Variants in MYO9A observed in about 807,000 individuals in gnomAD.
The protein encoded by MYO9A is myosin IXA.
Under a neutral mutation model 293.3 loss-of-function variants are expected in MYO9A, and 103 were observed. The observed-to-expected ratio is 0.35, with a 90% CI of 0.30 to 0.41. The LOEUF (loss-of-function observed/expected upper bound fraction) is 0.41, where lower values mean the gene tolerates loss of function less well. MYO9A is among the 10% of genes least tolerant of loss of function. The pLI, the probability that MYO9A is intolerant of heterozygous loss-of-function variation, is 1.00. For missense variants in MYO9A, 2,685 were observed against 3,033.0 expected, an observed-to-expected ratio of 0.89 and a Z score of 2.69; for synonymous variants, 1,001 against 1,035.7, an observed-to-expected ratio of 0.97 and a Z score of 0.64.
intron 34 of MYO9A, 39 bp from the exon 35 acceptor site, chr15:71,854,608 A>G (rs1294584325): frequency 7.0e-7 from 1 of 1,431,870 alleles, no homozygotes; most frequent in South Asian, 1.6e-5. Flanking sequence ...AATGCATTCA[A>G]ACATCTTGAA....
intron 27 of MYO9A, among the ~76,000 whole-genome samples, chr15:71,887,366 T>A (rs900513421): frequency 3.9e-5 from 6 of 152,246 alleles, no homozygotes; most frequent in African/African-American, 1.4e-4. Flanking sequence ...AAGAAGTAGA[T>A]GCAGAAAAGC....
intron 39 of MYO9A, among the ~76,000 whole-genome samples, chr15:71,846,246 G>C (rs552723393): frequency 6.6e-6 from 1 of 152,264 alleles, no homozygotes; most frequent in African/African-American, 2.4e-5. Flanking sequence ...CTGACAATGA[G>C]CCGGAATAGC....
At position 72,010,450 on chromosome 15, in the gene MYO9A, GC is replaced by G; in HGVS notation, c.1156-4del. On this transcript the variant is annotated splice_polypyrimidine_tract_variant and splice_region_variant and intron_variant, in intron 6 of 41. Coordinates refer to ENST00000356056, the MANE Select transcript of MYO9A (RefSeq NM_006901.4). ...TCTCCTTCCACCGTGAAGCAATCCT[GC>G]TTATTTAAAATAAAAGTTTAAAAAT... is the stretch of plus-strand genomic sequence containing the variant. 1 of 1,608,570 alleles carries G rather than the reference GC, an allele frequency of 6.2e-7. No individual in the cohort carries two copies. The highest frequency in any genetic ancestry group is 1.1e-5 in the South Asian group (1 of 90,172).
intron 4 of MYO9A, among the ~76,000 whole-genome samples, chr15:72,024,526 C>T (rs1290230779): frequency 1.3e-5 from 2 of 152,182 alleles, no homozygotes; most frequent in Non-Finnish European, 2.9e-5. Context: ...CCCACCTTGG[C>T]TTCCCCAAAG....
intron 1 of MYO9A, among the ~76,000 whole-genome samples, chr15:72,047,612 A>G (rs1403538348): frequency 6.6e-6 from 1 of 151,902 alleles, no homozygotes; most frequent in African/African-American, 2.4e-5. Flanking sequence ...CACACTTTCC[A>G]GGGCTGATAA....
In MYO9A at chr15:71,862,567, G is replaced by A; in HGVS notation, c.6024C>T (p.Ser2008=). Residue 2008 remains serine (S), a synonymous_variant, in exon 33 of 42, where the codon AGC becomes AGT. Coordinates refer to ENST00000356056, the MANE Select transcript of MYO9A (RefSeq NM_006901.4). ...NGHIFKATQY[S]IPTYCEYCSS... ...AACAGTATTCACAGTATGTAGGGAT[G>A]CTATATTGGGTGGCTTTAAAGATGT... 1 of 1,613,310 alleles carries A rather than the reference G, an allele frequency of 6.2e-7. No homozygotes were observed. Among genetic ancestry groups the A allele is most frequent in the Non-Finnish European group, 8.5e-7 (1 of 1,179,436 alleles).
intron 1 of MYO9A, among the ~76,000 whole-genome samples, chr15:72,095,895 C>T (rs921110048): frequency 1.3e-5 from 2 of 151,948 alleles, no homozygotes; most frequent in African/African-American, 4.8e-5. Flanking sequence ...GCCTGGCCAA[C>T]ATGGTGAAAC....
chr15:71,834,767 AAAAC>A (rs869151576), intron 39 of MYO9A, among the ~76,000 whole-genome samples: 73 of 152,264 alleles, frequency 4.8e-4, no homozygotes, highest in African/African-American at 1.3e-3. Context: ...AGCCTGTCTC[AAAAC>A]AAACAAACAA....
At position 72,118,096 on chromosome 15, in the gene MYO9A, G is replaced by C. The variant is rs2081073277; in HGVS notation, c.-488C>G. 1 of 391,734 alleles carries C rather than the reference G, an allele frequency of 2.6e-6. No homozygotes were observed. The highest frequency in any genetic ancestry group is 4.5e-5 in the Admixed American group (1 of 22,406). The allele number at this position is 391,734 out of a possible 1,614,324, so 24.3% of individuals were successfully genotyped here. On this transcript the variant is annotated 5_prime_UTR_variant, in exon 1 of 42. Transcript: ENST00000356056. Reference sequence around the variant, plus strand: ...TTCGGTCGCGCGCCCCCGACCCCGCGCACGCGGCCCCGCCCCGCGCGACTC... The same window carrying C: ...TTCGGTCGCGCGCCCCCGACCCCGCCCACGCGGCCCCGCCCCGCGCGACTC...
chr15:71,956,310 T>TAAAAAAAAAA (rs869151550), intron 14 of MYO9A, among the ~76,000 whole-genome samples: 35 of 36,756 alleles, frequency 9.5e-4, no homozygotes, highest in Non-Finnish European at 1.5e-3. Flanking sequence ...ACCCGGCTCT[T>TAAAAAAAAAA]AAAAAAAAAA....
intron 39 of MYO9A, among the ~76,000 whole-genome samples, chr15:71,841,352 T>C (rs902785043): frequency 4.9e-4 from 75 of 152,210 alleles, no homozygotes; most frequent in African/African-American, 1.8e-3. Context: ...ATGTTGGATT[T>C]TGGGTTCAGA....
intron 10 of MYO9A, among the ~76,000 whole-genome samples, chr15:71,992,372 G>C (rs1486878092): frequency 6.6e-6 from 1 of 152,090 alleles, no homozygotes; most frequent in Non-Finnish European, 1.5e-5. Flanking sequence ...GACAATTTTG[G>C]TTAAATGAAA....
intron 11 of MYO9A, among the ~76,000 whole-genome samples, chr15:71,981,641 GTCTCTCTCTCTCTCTC>G (rs142432028): frequency 1.8e-4 from 26 of 144,498 alleles, no homozygotes; most frequent in South Asian, 4.5e-4. Context: ...TCTCTGTCTT[GTCTCTCTCTCTCTCTC>G]TCTCTCTCTC....
intron 20 of MYO9A, 30 bp from the exon 21 acceptor site, chr15:71,904,069 G>A: frequency 6.6e-7 from 1 of 1,507,206 alleles, no homozygotes; most frequent in Non-Finnish European, 9.2e-7. Context: ...GATTAACCCA[G>A]AACAGTAGAT....
Position 71,914,749 on chromosome 15 carries a change from G to T in MYO9A, c.2685+1621C>A, listed in dbSNP as rs985744464. 2.6e-5 allele frequency among the ~76,000 whole-genome samples: 4 copies of T among 151,976 alleles called. No homozygotes were observed. The East Asian group carries it at 7.7e-4, about 29-fold the overall frequency. On this transcript the variant is annotated intron_variant, in intron 19 of 41. Coordinates refer to ENST00000356056, the MANE Select transcript of MYO9A (RefSeq NM_006901.4). Reference sequence around the variant, plus strand: ...ATGGCCGATTAGAAATATGAAAGAGGACTCTTTTTCTAAAAATTAAATATA... The same window carrying T: ...ATGGCCGATTAGAAATATGAAAGAGTACTCTTTTTCTAAAAATTAAATATA...
chr15:72,059,043 T>A (rs185157068), intron 1 of MYO9A, among the ~76,000 whole-genome samples: 215 of 152,352 alleles, frequency 1.4e-3, no homozygotes, highest in African/African-American at 4.5e-3. Flanking sequence ...CTTTATCAAA[T>A]GTTAATATGA....
intron 12 of MYO9A, among the ~76,000 whole-genome samples, chr15:71,977,300 C>T (rs2076167169): frequency 6.6e-6 from 1 of 152,092 alleles, no homozygotes; most frequent in African/African-American, 2.4e-5. Context: ...GCATTGGCGC[C>T]ATCTCGGCTC....
rs933469670 is a variant in MYO9A at position 71,826,316 on chromosome 15, A to G, written c.*264T>C. 3.3e-5 allele frequency: 13 copies of G among 395,710 alleles called. No individual in the cohort carries two copies. Among genetic ancestry groups the G allele is most frequent in the African/African-American group, 2.5e-4 (12 of 48,740 alleles). The allele number at this position is 395,710 out of a possible 1,614,324, so 24.5% of individuals were successfully genotyped here. ...GGGGAGAGGCAACTACAACTGACCCAAATCCCCAGGCCCTAGGTGGCTTTG... is the reference window on the plus strand; with the variant it reads ...GGGGAGAGGCAACTACAACTGACCCGAATCCCCAGGCCCTAGGTGGCTTTG... On this transcript the variant is annotated 3_prime_UTR_variant, in exon 42 of 42. Transcript: ENST00000356056.
At chr15:71,877,029 G>A (rs2056715512) in intron 31 of MYO9A, among the ~76,000 whole-genome samples, 1 of 152,054 alleles carries the variant, frequency 6.6e-6, no homozygotes, top group South Asian at 2.1e-4. Context: ...GGATTGAAGA[G>A]GTTTTGGAAA....
Sources: gnomAD v4.1 joint callset for allele counts (sites outside exome capture counted in the v4.1 genomes callset) on GRCh38, gnomAD v4.1.1 for gene constraint, MANE v1.5 for transcripts, NCBI Gene and HGNC (gene_info 2026-07-23, HGNC 2026-07-21) for gene names.